RIN2: variants seen among roughly 807,000 people sequenced by gnomAD.
The protein encoded by RIN2 is Ras and Rab interactor 2.
In RIN2, 36 loss-of-function variants were observed where a neutral mutation model predicts 78.0. The ratio of observed to expected loss-of-function variants is 0.46; its 90% CI spans 0.35 to 0.61. The LOEUF (loss-of-function observed/expected upper bound fraction) is 0.61, where lower values mean the gene tolerates loss of function less well. Among genes scored for constraint, RIN2 ranks in the 20% least tolerant of loss-of-function variants. The probability of loss-of-function intolerance (pLI) is 0.00; values close to 1 mark genes in which losing one functional copy is unlikely to be tolerated. For synonymous variants in RIN2, 466 were observed against 466.8 expected (o/e 1.00, Z 0.02); for missense variants, 1,087 against 1,159.7 (o/e 0.94, Z 0.91).
At chr20:19,852,409 A>G (rs1172817727) in intron 2 of RIN2, among the ~76,000 whole-genome samples, 6 of 152,344 alleles carry the variant, frequency 3.9e-5, no homozygotes, top group South Asian at 2.1e-4. Context: ...ATTGCAGACT[A>G]GAAAGCTCCT....
chr20:19,824,926 G>A (rs779908399), intron 2 of RIN2, among the ~76,000 whole-genome samples: 20 of 152,260 alleles, frequency 1.3e-4, no homozygotes, highest in Non-Finnish European at 2.5e-4. Flanking sequence ...TGAATGTGAT[G>A]GCTCTCAGTG....
chr20:19,965,001 C>T lies in RIN2; in HGVS notation c.513C>T (p.Leu171=), dbSNP rs762118037. 2.5e-6 allele frequency: 4 copies of T among 1,613,484 alleles called. No homozygotes were observed. The highest frequency in any genetic ancestry group is 1.1e-5 in the South Asian group (1 of 91,078). Residue 171 remains leucine (L), a synonymous_variant, in exon 7 of 13, where the codon CTC becomes CTT. Coordinates refer to ENST00000255006, the MANE Select transcript of RIN2 (RefSeq NM_018993.4). ...TCAGTTTCGCAGATTTATTCCGGCT[C>T]ATTGCTTTCTACTGCATCAGCAGGT... ...SGISFADLFR[L]IAFYCISRDV...
chr20:19,780,354 A>G (rs1446619426), intron 1 of RIN2, among the ~76,000 whole-genome samples: 1 of 152,228 alleles, frequency 6.6e-6, no homozygotes, highest in African/African-American at 2.4e-5. Flanking sequence ...TGCCTCTTTA[A>G]AAATACAATC....
chr20:19,910,577 T>A (rs2039420908), intron 3 of RIN2, among the ~76,000 whole-genome samples: 2 of 150,946 alleles, frequency 1.3e-5, no homozygotes, highest in African/African-American at 4.9e-5. Context: ...GAACTTTTTT[T>A]TTTTTTTTTG....
chr20:19,975,379 G>C lies in RIN2; in HGVS notation c.1354G>C (p.Gly452Arg), dbSNP rs2042246648. 1 of 1,613,876 alleles carries C rather than the reference G, an allele frequency of 6.2e-7. No individual in the cohort carries two copies. Among genetic ancestry groups the C allele is most frequent in the Non-Finnish European group, 8.5e-7 (1 of 1,179,886 alleles). ...LEFDRSMPLF[G>R]YEADTNSSLE... Reference sequence around the variant, plus strand: ...GTTCGACCGGAGCATGCCTCTGTTTGGCTACGAGGCGGACACCAACAGCAG... The same window carrying C: ...GTTCGACCGGAGCATGCCTCTGTTTCGCTACGAGGCGGACACCAACAGCAG... The change falls in exon 9 of 13, where the codon GGC becomes CGC. Residue 452 changes from glycine (G) to arginine (R), a missense_variant. Gly to Arg is a moderately radical substitution (Grantham distance 125). Coordinates refer to ENST00000255006, the MANE Select transcript of RIN2 (RefSeq NM_018993.4). This position sits in a 1 kb window ranked among gnomAD's most constrained non-coding sequence, Gnocchi z 4.9.
At chr20:19,824,426 A>G (rs1321769337) in intron 2 of RIN2, among the ~76,000 whole-genome samples, 1 of 152,206 alleles carries the variant, frequency 6.6e-6, no homozygotes, top group East Asian at 1.9e-4. Context: ...AAATAATAGT[A>G]TAGTATTCTG....
intron 2 of RIN2, among the ~76,000 whole-genome samples, chr20:19,844,687 TCTTCCTCTTCCTC>T (rs2036716811): frequency 5.7e-5 from 1 of 17,666 alleles, no homozygotes; most frequent in African/African-American, 1.7e-4. Flanking sequence ...TTCTTCTTCC[TCTTCCTCTTCCTC>T]TTCTTCTTCT....
At chr20:19,820,102 AT>A in intron 2 of RIN2, among the ~76,000 whole-genome samples, 1 of 152,312 alleles carries the variant, frequency 6.6e-6, no homozygotes, top group East Asian at 1.9e-4. Flanking sequence ...ACAACTCAAA[AT>A]GTGTCTCTAA....
chr20:19,938,936 G>A lies in RIN2; in HGVS notation c.158+3737G>A, dbSNP rs142848682. On this transcript the variant is annotated intron_variant, in intron 4 of 12. Transcript: ENST00000255006. ...GTTCATTCCTTCCTGGGTCTTCCCC[G>A]TCCCAGTCACCATGCCTCCAGCTTC... Among the ~76,000 whole-genome samples, 262 of 152,262 alleles carry A rather than the reference G, an allele frequency of 1.7e-3. 6 individuals carry two copies. In the East Asian group the frequency reaches 0.048, roughly 28 times the overall value.
At chr20:19,884,859 C>A (rs543741995) in intron 2 of RIN2, among the ~76,000 whole-genome samples, 1 of 152,266 alleles carries the variant, frequency 6.6e-6, no homozygotes, top group East Asian at 1.9e-4. Flanking sequence ...GCTGGTTAAG[C>A]GACCAGGCAA....
intron 3 of RIN2, among the ~76,000 whole-genome samples, chr20:19,908,368 G>A (rs2039310430): frequency 6.6e-6 from 1 of 152,074 alleles, no homozygotes; most frequent in African/African-American, 2.4e-5. Context: ...GCGGGCGCCT[G>A]CAGTCCCAGC....
At chr20:19,929,304 G>A (rs6112660) in intron 3 of RIN2, among the ~76,000 whole-genome samples, 1 of 152,156 alleles carries the variant, frequency 6.6e-6, no homozygotes, top group African/African-American at 2.4e-5. Flanking sequence ...AGAAACTTCA[G>A]TTAGTAGCAC....
chr20:19,925,802 C>G lies in RIN2; in HGVS notation c.58-9297C>G, dbSNP rs2040199556. Among the ~76,000 whole-genome samples the G allele has an allele frequency of 1.3e-5, 2 of 152,156 alleles. 1 individual carries two copies. The highest frequency in any genetic ancestry group is 1.3e-4 in the Admixed American group (2 of 15,264). ...GGGCAGTGCAGAAGGGCACAGCCAC[C>G]CGGGGAGCAATGTGGCACCAGCTCA... is the stretch of plus-strand genomic sequence containing the variant. On this transcript the variant is annotated intron_variant, in intron 3 of 12. Coordinates refer to ENST00000255006, the MANE Select transcript of RIN2 (RefSeq NM_018993.4).
At chr20:19,881,420 C>T (rs2038024027) in intron 2 of RIN2, among the ~76,000 whole-genome samples, 1 of 152,140 alleles carries the variant, frequency 6.6e-6, no homozygotes, top group African/African-American at 2.4e-5. Context: ...TCAGCATATA[C>T]ATGGTCAAAA....
chr20:19,919,754 C>T (rs557563354), intron 3 of RIN2, among the ~76,000 whole-genome samples: 8 of 151,674 alleles, frequency 5.3e-5, no homozygotes, highest in Non-Finnish European at 7.4e-5. Context: ...TGCAGTGAGC[C>T]GAGATCATGC....
chr20:19,841,064 C>T (rs183885727), intron 2 of RIN2, among the ~76,000 whole-genome samples: 19 of 152,156 alleles, frequency 1.2e-4, no homozygotes, highest in Admixed American at 3.3e-4. Context: ...GTTAACTACC[C>T]GGCAAGGACT....
chr20:19,849,302 C>G (rs546125959), intron 2 of RIN2, among the ~76,000 whole-genome samples: 1 of 152,262 alleles, frequency 6.6e-6, no homozygotes, highest in South Asian at 2.1e-4. Flanking sequence ...TACTGACCAA[C>G]TATCAAGACA....
At chr20:19,837,160 G>GC (rs568804796) in intron 2 of RIN2, among the ~76,000 whole-genome samples, 224 of 122,342 alleles carry the variant, frequency 1.8e-3, no homozygotes, top group African/African-American at 7.2e-3. Context: ...ATCACACACC[G>GC]CCCCCCCCAA....
At chr20:19,875,019 C>A (rs1000279464) in intron 2 of RIN2, among the ~76,000 whole-genome samples, 1 of 151,832 alleles carries the variant, frequency 6.6e-6, no homozygotes, top group Non-Finnish European at 1.5e-5. Context: ...TGCCACCATA[C>A]CCAGCTAAGT....
Sources: allele counts gnomAD v4.1 joint callset (sites outside exome capture counted in the v4.1 genomes callset), GRCh38; gene constraint gnomAD v4.1.1; non-coding constraint Gnocchi (gnomAD v3.1); transcripts MANE v1.5; gene names NCBI Gene and HGNC (gene_info 2026-07-23, HGNC 2026-07-21).